The following MARK1 variants were observed in gnomAD, a reference collection of about 807,000 sequenced individuals.
MARK1 encodes microtubule affinity regulating kinase 1.
In MARK1, 40 loss-of-function variants were observed where a neutral mutation model predicts 96.3. That is an observed-to-expected ratio of 0.42 (90% CI 0.32 to 0.54). The LOEUF (loss-of-function observed/expected upper bound fraction) is 0.54. MARK1 is among the 20% of genes least tolerant of loss of function. The pLI, the probability that MARK1 is intolerant of heterozygous loss-of-function variation, is 0.16. For missense variants in MARK1, 719 were observed against 984.6 expected, an observed-to-expected ratio of 0.73 and a Z score of 3.61; for synonymous variants, 317 against 341.2, an observed-to-expected ratio of 0.93 and a Z score of 0.78.
chr1:220,590,379 G>A (rs6668998), intron 3 of MARK1, among the ~76,000 whole-genome samples: 1,727 of 152,254 alleles, frequency 0.011, 27 homozygotes, highest in African/African-American at 0.04. Context: ...CAAGATGAAG[G>A]TGTGTAGGCA....
At chr1:220,646,772 C>A (rs560229616) in intron 13 of MARK1, among the ~76,000 whole-genome samples, 1 of 152,176 alleles carries the variant, frequency 6.6e-6, no homozygotes, top group African/African-American at 2.4e-5. Context: ...ATCTCATCTT[C>A]AACAAACTTT....
At chr1:220,531,320 G>A (rs1280237139) in intron 1 of MARK1, among the ~76,000 whole-genome samples, 3 of 152,090 alleles carry the variant, frequency 2.0e-5, no homozygotes, top group Non-Finnish European at 2.9e-5. Context: ...TTTAAAAATA[G>A]TTACAAAACT....
chr1:220,621,250 C>CT (rs1321605134), intron 9 of MARK1, among the ~76,000 whole-genome samples: 5 of 151,988 alleles, frequency 3.3e-5, no homozygotes, highest in Non-Finnish European at 7.4e-5. Context: ...CTATTCCCTG[C>CT]TTATTGCACA....
At chr1:220,633,281 G>A (rs533177309) in intron 11 of MARK1, among the ~76,000 whole-genome samples, 2 of 152,250 alleles carry the variant, frequency 1.3e-5, no homozygotes, top group East Asian at 1.9e-4. Context: ...AAGCATAAAA[G>A]CAATGATTCT....
chr1:220,529,970 T>C (rs1391933740), intron 1 of MARK1, among the ~76,000 whole-genome samples: 2 of 152,220 alleles, frequency 1.3e-5, no homozygotes, highest in African/African-American at 2.4e-5. Context: ...GCTTTTGATA[T>C]ACCACTGACT....
chr1:220,611,792 G>A (rs1666458989), intron 6 of MARK1, among the ~76,000 whole-genome samples: 1 of 151,920 alleles, frequency 6.6e-6, no homozygotes, highest in Admixed American at 6.6e-5. Flanking sequence ...GAGTGCAGTG[G>A]CGCTATCTTG....
intron 1 of MARK1, among the ~76,000 whole-genome samples, chr1:220,540,024 GT>G (rs1661023538): frequency 6.6e-6 from 1 of 152,060 alleles, no homozygotes; most frequent in Admixed American, 6.6e-5. Context: ...TTGTTGGAAG[GT>G]TTTTGATTCC....
At chr1:220,645,176 C>T (rs1668511304) in intron 13 of MARK1, among the ~76,000 whole-genome samples, 1 of 152,000 alleles carries the variant, frequency 6.6e-6, no homozygotes, top group African/African-American at 2.4e-5. Flanking sequence ...ACTAGGTAGA[C>T]TAATAAAGAA....
intron 6 of MARK1, 62 bp downstream of exon 6, chr1:220,604,199 AT>A: frequency 9.8e-7 from 1 of 1,019,298 alleles, no homozygotes. Context: ...AATGGACAGT[AT>A]TACAAACTGG....
chr1:220,532,686 GTTTTTT>G (rs1186992670), intron 1 of MARK1, among the ~76,000 whole-genome samples: 1 of 151,808 alleles, frequency 6.6e-6, no homozygotes, highest in Admixed American at 6.6e-5. Flanking sequence ...TCGAGAAAGT[GTTTTTT>G]TGTTTTCTTT....
At chr1:220,536,964 CTAAGTG>C (rs57788217) in intron 1 of MARK1, among the ~76,000 whole-genome samples, 1,705 of 151,784 alleles carry the variant, frequency 0.011, 26 homozygotes, top group African/African-American at 0.039. Flanking sequence ...AGATAAGTCT[CTAAGTG>C]TATCTATTGT....
At position 220,615,946 on chromosome 1, in the gene MARK1, CT is replaced by C. The variant is rs1271743686; in HGVS notation, c.504del (p.Ala169LeufsTer26). On this transcript the variant is annotated frameshift_variant, in exon 7 of 18. Transcript: ENST00000366917. LOFTEE classifies it high-confidence loss of function. Reference protein sequence around the residue: ...EARAKFRQIVSAVQYCHQKYI... With the variant: ...EARAKFRQIVXAVQYCHQKYI... ...TCCAAATGTTTATTCCAGATTGTATCTGCTGTACAGTATTGTCATCAAAAGT... is the reference window on the plus strand; with the variant it reads ...TCCAAATGTTTATTCCAGATTGTATCGCTGTACAGTATTGTCATCAAAAGT... 6.5e-7 allele frequency: 1 copy of C among 1,545,706 alleles called. No homozygotes were observed. Among genetic ancestry groups the C allele is most frequent in the Non-Finnish European group, 8.9e-7 (1 of 1,129,476 alleles).
intron 3 of MARK1, 59 bp downstream of exon 3, chr1:220,581,177 C>A: frequency 5.3e-6 from 3 of 565,770 alleles, no homozygotes; most frequent in South Asian, 6.1e-5. Flanking sequence ...ATGTGATGTT[C>A]TGTAAAATCA....
intron 1 of MARK1, among the ~76,000 whole-genome samples, chr1:220,578,334 C>T (rs1664011658): frequency 6.6e-6 from 1 of 152,172 alleles, no homozygotes; most frequent in Admixed American, 6.5e-5. Context: ...GCTGGTTAGG[C>T]AGCTTGACCT....
At chr1:220,637,360 T>C (rs964625411) in intron 13 of MARK1, among the ~76,000 whole-genome samples, 20 of 152,236 alleles carry the variant, frequency 1.3e-4, no homozygotes, top group Non-Finnish European at 1.6e-4. Context: ...GTTAGGCAGA[T>C]GATAGGAGTA....
At chr1:220,553,190 G>A (rs986754577) in intron 1 of MARK1, among the ~76,000 whole-genome samples, 1 of 152,150 alleles carries the variant, frequency 6.6e-6, no homozygotes, top group African/African-American at 2.4e-5. Flanking sequence ...CTAAGTCCTT[G>A]ATCATTCAGC....
intron 1 of MARK1, among the ~76,000 whole-genome samples, chr1:220,533,738 T>G (rs1396671864): frequency 6.6e-6 from 1 of 152,206 alleles, no homozygotes; most frequent in Non-Finnish European, 1.5e-5. Flanking sequence ...CTATCTTGTG[T>G]GGATTCATAT....
At chr1:220,547,892 TCA>T (rs1320166939) in intron 1 of MARK1, among the ~76,000 whole-genome samples, 1 of 152,186 alleles carries the variant, frequency 6.6e-6, no homozygotes, top group African/African-American at 2.4e-5. Flanking sequence ...CTTAAGCCTG[TCA>T]CACACATAAT....
At chr1:220,569,391 T>C (rs931389593) in intron 1 of MARK1, among the ~76,000 whole-genome samples, 2 of 152,120 alleles carry the variant, frequency 1.3e-5, no homozygotes, top group African/African-American at 2.4e-5. Flanking sequence ...ATGTCACATT[T>C]ATTAAACTTT....
Sources: gnomAD v4.1 joint callset for allele counts (sites outside exome capture counted in the v4.1 genomes callset) on GRCh38, gnomAD v4.1.1 for gene constraint, MANE v1.5 for transcripts, NCBI Gene and HGNC (gene_info 2026-07-23, HGNC 2026-07-21) for gene names.